TSPAN5: variants seen among roughly 807,000 people sequenced by gnomAD.
TSPAN5 encodes the protein tetraspanin 5, also known as tetraspanin-5.
A neutral mutation model predicts 37.1 loss-of-function variants in TSPAN5; 10 were observed. That is an observed-to-expected ratio of 0.27 (90% CI 0.17 to 0.46). The LOEUF is 0.46. TSPAN5 is among the 20% of genes least tolerant of loss of function. The pLI is 1.00. For missense variants in TSPAN5, 195 were observed against 326.6 expected (o/e 0.60, Z 3.11); for synonymous variants, 110 against 118.9 (o/e 0.93, Z 0.48).
chr4:98,533,939 TAAAAA>T (rs1194318640), intron 1 of TSPAN5, among the ~76,000 whole-genome samples: 14 of 31,148 alleles, frequency 4.5e-4, no homozygotes, highest in East Asian at 8.8e-4. Flanking sequence ...TTGTTGATCT[TAAAAA>T]AAAAAAAAAA....
intron 2 of TSPAN5, among the ~76,000 whole-genome samples, chr4:98,487,399 C>T (rs947818058): frequency 6.6e-6 from 1 of 152,088 alleles, no homozygotes; most frequent in South Asian, 2.1e-4. Flanking sequence ...ACACACACAC[C>T]CCCTGACCCC....
chr4:98,622,394 T>A (rs1260118427), intron 1 of TSPAN5, among the ~76,000 whole-genome samples: 3 of 152,214 alleles, frequency 2.0e-5, no homozygotes, highest in Admixed American at 1.3e-4. Flanking sequence ...CACATTTTAT[T>A]TGAACACCTG....
At chr4:98,563,368 C>T (rs989557830) in intron 1 of TSPAN5, among the ~76,000 whole-genome samples, 7 of 152,126 alleles carry the variant, frequency 4.6e-5, no homozygotes, top group South Asian at 2.1e-4. Context: ...AAGATCTCAA[C>T]GATTTTATTA....
At chr4:98,532,738 G>A (rs895991066) in intron 1 of TSPAN5, among the ~76,000 whole-genome samples, 1 of 152,218 alleles carries the variant, frequency 6.6e-6, no homozygotes, top group Non-Finnish European at 1.5e-5. Context: ...TTGAATAGGA[G>A]TGGTGAGAGA....
chr4:98,535,026 T>C (rs1754200162), intron 1 of TSPAN5, among the ~76,000 whole-genome samples: 1 of 152,204 alleles, frequency 6.6e-6, no homozygotes, highest in South Asian at 2.1e-4. Flanking sequence ...ATTTAGCATG[T>C]TTACATTTAA....
chr4:98,611,574 T>A (rs571361521), intron 1 of TSPAN5, among the ~76,000 whole-genome samples: 15 of 152,336 alleles, frequency 9.8e-5, no homozygotes, highest in African/African-American at 3.1e-4. Context: ...CAACATGAAC[T>A]GTACACACTG....
intron 1 of TSPAN5, among the ~76,000 whole-genome samples, chr4:98,572,637 T>A (rs1755151820): frequency 6.6e-6 from 1 of 152,266 alleles, no homozygotes; most frequent in African/African-American, 2.4e-5. Context: ...TTATGCTTAA[T>A]GGGGGAACCC....
At chr4:98,644,558 C>A (rs1221712063) in intron 1 of TSPAN5, among the ~76,000 whole-genome samples, 1 of 151,758 alleles carries the variant, frequency 6.6e-6, no homozygotes, top group Non-Finnish European at 1.5e-5. Context: ...GCACAATGTG[C>A]AGGTTACATA....
At position 98,622,513 on chromosome 4, in the gene TSPAN5, C is replaced by T. The variant is rs191693848; in HGVS notation, c.81+35633G>A. Among the ~76,000 whole-genome samples, 620 of 152,268 alleles carry T rather than the reference C, an allele frequency of 4.1e-3. 4 individuals carry two copies. The highest frequency in any genetic ancestry group is 0.014 in the Middle Eastern group (4 of 294). ...AAAACACTTTCCACAGTGGTTGCGC[C>T]ATTTTCATTCCCATCAGCAATGTCT... is the stretch of plus-strand genomic sequence containing the variant. On this transcript the variant is annotated intron_variant, in intron 1 of 7. Transcript: ENST00000305798.
chr4:98,580,566 G>A (rs1239361044), intron 1 of TSPAN5, among the ~76,000 whole-genome samples: 3 of 152,182 alleles, frequency 2.0e-5, no homozygotes, highest in Admixed American at 6.5e-5. Context: ...AGCAAGAGAA[G>A]AGCAGACACC....
At chr4:98,654,386 C>T (rs1180495682) in intron 1 of TSPAN5, among the ~76,000 whole-genome samples, 1 of 152,234 alleles carries the variant, frequency 6.6e-6, no homozygotes, top group East Asian at 1.9e-4. Flanking sequence ...TCCAAAAGGG[C>T]AAAACATCTA....
intron 1 of TSPAN5, among the ~76,000 whole-genome samples, chr4:98,620,832 T>C (rs1311984603): frequency 1.3e-5 from 2 of 152,198 alleles, no homozygotes; most frequent in Non-Finnish European, 2.9e-5. Context: ...GTCTGGTGCT[T>C]GACAGCACTT....
At chr4:98,562,896 G>A (rs1754912709) in intron 1 of TSPAN5, among the ~76,000 whole-genome samples, 1 of 152,102 alleles carries the variant, frequency 6.6e-6, no homozygotes, top group Admixed American at 6.5e-5. Context: ...AGTATTCTAG[G>A]AAGAATGTGT....
chr4:98,634,106 A>G (rs1317296999), intron 1 of TSPAN5, among the ~76,000 whole-genome samples: 1 of 152,174 alleles, frequency 6.6e-6, no homozygotes, highest in African/African-American at 2.4e-5. Flanking sequence ...AAAAGAAAAA[A>G]AAAGTGATCA....
intron 1 of TSPAN5, among the ~76,000 whole-genome samples, chr4:98,592,428 GTTTTT>G (rs35941064): frequency 3.4e-5 from 4 of 119,104 alleles, no homozygotes; most frequent in African/African-American, 1.3e-4. Flanking sequence ...TCTGTTTTTT[GTTTTT>G]TTTTTTTTTT....
At chr4:98,497,121 T>C (rs1753229369) in intron 2 of TSPAN5, among the ~76,000 whole-genome samples, 1 of 151,838 alleles carries the variant, frequency 6.6e-6, no homozygotes, top group East Asian at 1.9e-4. Flanking sequence ...GGTCAGGAGT[T>C]TGAGACCAGC....
At chr4:98,614,829 G>C (rs527418035) in intron 1 of TSPAN5, among the ~76,000 whole-genome samples, 1 of 152,308 alleles carries the variant, frequency 6.6e-6, no homozygotes, top group East Asian at 1.9e-4. Flanking sequence ...AAACGTACAA[G>C]TTCATGTGGA....
At chr4:98,504,289 G>A (rs114945786) in intron 2 of TSPAN5, among the ~76,000 whole-genome samples, 1,716 of 152,302 alleles carry the variant, frequency 0.011, 33 homozygotes, top group African/African-American at 0.039. Flanking sequence ...GGCTGATGGT[G>A]TCAGCTCAGC....
intron 1 of TSPAN5, among the ~76,000 whole-genome samples, chr4:98,576,624 G>C (rs180802116): frequency 7.2e-4 from 110 of 152,240 alleles, no homozygotes; most frequent in Admixed American, 2.2e-3. Flanking sequence ...ACTGAGGATG[G>C]AGGGTCACTT....
Sources: gnomAD v4.1 joint callset for allele counts (sites outside exome capture counted in the v4.1 genomes callset) on GRCh38, gnomAD v4.1.1 for gene constraint, MANE v1.5 for transcripts, NCBI Gene and HGNC (gene_info 2026-07-23, HGNC 2026-07-21) for gene names.